CSMD2: variants seen among roughly 807,000 people sequenced by gnomAD.
CSMD2 encodes CUB and sushi domain-containing protein 2.
In CSMD2, 130 loss-of-function variants were observed where a neutral mutation model predicts 398.5. The observed-to-expected ratio is 0.33, with a 90% confidence interval of 0.28 to 0.38. The LOEUF is 0.38. Ranked by LOEUF, CSMD2 falls within the 10% of genes least tolerant of loss-of-function variation. The probability of loss-of-function intolerance (pLI) is 1.00; values close to 1 mark genes in which losing one functional copy is unlikely to be tolerated. For synonymous variants in CSMD2, 1,828 were observed against 1,908.5 expected, an observed-to-expected ratio of 0.96 and a Z score of 1.10; for missense variants, 3,829 against 4,764.9, an observed-to-expected ratio of 0.80 and a Z score of 5.78.
intron 5 of CSMD2, among the ~76,000 whole-genome samples, chr1:33,883,175 T>A (rs183298418): frequency 1.3e-5 from 2 of 152,204 alleles, no homozygotes; most frequent in Non-Finnish European, 2.9e-5. Flanking sequence ...CTTTCTTCCA[T>A]AGAATGGACA....
intron 15 of CSMD2, among the ~76,000 whole-genome samples, chr1:33,735,987 C>T (rs943878322): frequency 6.6e-6 from 1 of 152,142 alleles, no homozygotes; most frequent in Non-Finnish European, 1.5e-5. Flanking sequence ...TTCAGCCACC[C>T]TAAGTGGCAT....
At chr1:33,814,420 T>A (rs1657221671) in intron 9 of CSMD2, among the ~76,000 whole-genome samples, 1 of 152,220 alleles carries the variant, frequency 6.6e-6, no homozygotes, top group East Asian at 1.9e-4. Flanking sequence ...TCTCTCATTC[T>A]GCTCAAAGAC....
At chr1:34,073,480 AC>A (rs771043556) in intron 2 of CSMD2, among the ~76,000 whole-genome samples, 6 of 152,210 alleles carry the variant, frequency 3.9e-5, no homozygotes, top group Non-Finnish European at 8.8e-5. Flanking sequence ...TTGGACACAC[AC>A]CAAACTGTTA....
At chr1:33,574,783 A>G (rs1659914998) in intron 49 of CSMD2, among the ~76,000 whole-genome samples, 1 of 152,266 alleles carries the variant, frequency 6.6e-6, no homozygotes, top group Non-Finnish European at 1.5e-5. Flanking sequence ...GTGTTTAAAC[A>G]TGAGACTCTT....
In CSMD2 at chr1:33,716,298, T is replaced by C; in HGVS notation, c.3205A>G (p.Ile1069Val). ...DFSMSYEGFNITFSEYDLEPC... is the reference protein window; with the variant it reads ...DFSMSYEGFNVTFSEYDLEPC... Reference sequence around the variant, plus strand: ...TCATACTCTTTACCTGAGAAGGTGATGTTGAATCCTTCATATGACATGGAG... The same window carrying C: ...TCATACTCTTTACCTGAGAAGGTGACGTTGAATCCTTCATATGACATGGAG... Residue 1069 changes from isoleucine (I) to valine (V), a missense_variant, in exon 20 of 71, where the codon ATC becomes GTC. Physicochemically the swap from Ile to Val is conservative, Grantham distance 29 (BLOSUM62 3). This residue lies in a region of CSMD2 where 2,001 missense variants were observed against 2,567.1 expected (regional missense o/e 0.78). Coordinates refer to ENST00000373381, the MANE Select transcript of CSMD2 (RefSeq NM_001281956.2). The C allele has an allele frequency of 6.2e-7, 1 of 1,613,800 alleles. No homozygotes were observed. Among genetic ancestry groups the C allele is most frequent in the Non-Finnish European group, 8.5e-7 (1 of 1,179,710 alleles).
intron 32 of CSMD2, among the ~76,000 whole-genome samples, chr1:33,632,539 C>T (rs949302996): frequency 2.6e-5 from 4 of 151,862 alleles, no homozygotes; most frequent in Non-Finnish European, 5.9e-5. Flanking sequence ...TAAAACAAGG[C>T]AAATTAGAAA....
chr1:33,689,678 C>T (rs889010873), intron 25 of CSMD2, among the ~76,000 whole-genome samples: 4 of 152,132 alleles, frequency 2.6e-5, no homozygotes, highest in South Asian at 4.1e-4. Context: ...TAATGCTGTG[C>T]CTTTTAGGTA....
At chr1:34,021,474 C>A (rs1267335513) in intron 3 of CSMD2, among the ~76,000 whole-genome samples, 1 of 152,152 alleles carries the variant, frequency 6.6e-6, no homozygotes, top group African/African-American at 2.4e-5. Context: ...TTCTTCGGTA[C>A]CAAGGGATCC....
intron 3 of CSMD2, among the ~76,000 whole-genome samples, chr1:33,967,447 G>C (rs903576294): frequency 6.9e-6 from 1 of 145,108 alleles, no homozygotes; most frequent in Non-Finnish European, 1.5e-5. Flanking sequence ...ACCCACAGGT[G>C]AACCCAGGCA....
chr1:33,853,087 A>G (rs1638833338), intron 5 of CSMD2, among the ~76,000 whole-genome samples: 2 of 152,248 alleles, frequency 1.3e-5, no homozygotes, highest in South Asian at 4.1e-4. Flanking sequence ...TAGCTTCAAC[A>G]TTTCATTATA....
chr1:33,528,148 C>G (rs1335246397), intron 64 of CSMD2, among the ~76,000 whole-genome samples: 78 of 152,154 alleles, frequency 5.1e-4, no homozygotes, highest in Non-Finnish European at 2.9e-5. Flanking sequence ...TGGGCCTGGG[C>G]CAGACAGCCA....
intron 5 of CSMD2, among the ~76,000 whole-genome samples, chr1:33,894,215 T>G (rs1642229469): frequency 6.6e-6 from 1 of 152,160 alleles, no homozygotes; most frequent in South Asian, 2.1e-4. Flanking sequence ...CAGAGCTGCC[T>G]AGGCCCCCAG....
chr1:34,000,086 A>G (rs532197761), intron 3 of CSMD2, among the ~76,000 whole-genome samples: 2 of 152,304 alleles, frequency 1.3e-5, no homozygotes, highest in East Asian at 1.9e-4. Context: ...ACCATTAGGC[A>G]TATTTGCCAA....
rs1308334826 is a variant in CSMD2, at chr1:33,580,744, T to G, written c.7387+9A>C. ...GGGCCTGTGGCTTATTTGTGTTTTT[T>G]TCACTCACCTGAATAGCGGATCTTG... is the stretch of plus-strand genomic sequence containing the variant. On this transcript the variant is annotated intron_variant, in intron 48 of 70. Transcript: ENST00000373381. 6.2e-6 allele frequency: 10 copies of G among 1,614,024 alleles called. No individual in the cohort carries two copies. The highest frequency in any genetic ancestry group is 7.6e-6 in the Non-Finnish European group (9 of 1,179,944).
intron 50 of CSMD2, among the ~76,000 whole-genome samples, chr1:33,572,196 GTT>G (rs1230672515): frequency 6.6e-6 from 1 of 152,156 alleles, no homozygotes; most frequent in African/African-American, 2.4e-5. Flanking sequence ...AAAAGTTGTT[GTT>G]TTTAGAGCTT....
intron 3 of CSMD2, among the ~76,000 whole-genome samples, chr1:33,952,257 G>A (rs1458165474): frequency 1.3e-5 from 2 of 152,198 alleles, no homozygotes. Context: ...GAATTTGATG[G>A]TCCAGTTACA....
chr1:33,991,505 G>A (rs1349914741), intron 3 of CSMD2, among the ~76,000 whole-genome samples: 1 of 152,182 alleles, frequency 6.6e-6, no homozygotes, highest in African/African-American at 2.4e-5. Context: ...TGGAACAGGT[G>A]GAGTAGAACC....
At position 33,516,130 on chromosome 1, in the gene CSMD2, C is replaced by T. The variant is rs1386059673; in HGVS notation, c.*494G>A. 6.6e-6 allele frequency: 1 copy of T among 152,216 alleles called. No individual in the cohort carries two copies. Among genetic ancestry groups the T allele is most frequent in the African/African-American group, 2.4e-5 (1 of 41,422 alleles). 9.4% of individuals were successfully genotyped at this position (152,216 alleles called of 1,614,324 possible). A position where few individuals can be genotyped will look rare whatever the true frequency, so the allele number is the denominator to read the frequency against. On this transcript the variant is annotated 3_prime_UTR_variant, in exon 71 of 71. Transcript: ENST00000373381. ...GTCACCGAGTCACCATGTCCTCACA[C>T]ATGGGATGGGCGGGGGGCATATTGT...
rs1639288941 is a variant in CSMD2, at chr1:34,141,475, C to T, written c.187+23436G>A. On this transcript the variant is annotated intron_variant, in intron 1 of 70. Coordinates refer to ENST00000373381, the MANE Select transcript of CSMD2 (RefSeq NM_001281956.2). ...ACTGTGGATGAGGGGGTTGAGGAAA[C>T]CTCTCCAAGGAGGTGACGTTGGAAC... 2.0e-5 allele frequency among the ~76,000 whole-genome samples: 3 copies of T among 152,242 alleles called. 1 individual carries two copies. Among genetic ancestry groups the T allele is most frequent in the African/African-American group, 7.2e-5 (3 of 41,544 alleles).
Sources: allele counts gnomAD v4.1 joint callset (sites outside exome capture counted in the v4.1 genomes callset), GRCh38; gene constraint gnomAD v4.1.1; regional missense constraint gnomAD v4.1.1; transcripts MANE v1.5; gene names NCBI Gene and HGNC (gene_info 2026-07-23, HGNC 2026-07-21).